DAPK2: variants seen among roughly 807,000 people sequenced by gnomAD.
The protein encoded by DAPK2 is death associated protein kinase 2.
A neutral mutation model predicts 44.1 loss-of-function variants in DAPK2; 35 were observed. The observed-to-expected ratio is 0.79, with a 90% CI of 0.61 to 1.05. The LOEUF (loss-of-function observed/expected upper bound fraction) is 1.05, where lower values mean the gene tolerates loss of function less well. Ranked by LOEUF, DAPK2 falls within the 50% of genes least tolerant of loss-of-function variation. The pLI is 0.00. For missense variants in DAPK2, 453 were observed against 483.2 expected, an observed-to-expected ratio of 0.94 and a Z score of 0.59; for synonymous variants, 174 against 182.6, an observed-to-expected ratio of 0.95 and a Z score of 0.38.
chr15:63,971,366 A>G, intron 3 of DAPK2, 57 bp downstream of exon 4: 2 of 1,596,906 alleles, frequency 1.3e-6, no homozygotes, highest in Non-Finnish European at 1.7e-6. Flanking sequence ...AGACACCAGG[A>G]GGGACTAAGC....
chr15:63,970,441 C>T (rs1215977832), intron 3 of DAPK2, among the ~76,000 whole-genome samples: 1 of 152,174 alleles, frequency 6.6e-6, no homozygotes, highest in Non-Finnish European at 1.5e-5. Flanking sequence ...AGGGAGCCCT[C>T]TCTGATATCC....
intron 1 of DAPK2, among the ~76,000 whole-genome samples, chr15:64,021,109 A>T (rs1265960246): frequency 1.3e-5 from 2 of 152,218 alleles, no homozygotes; most frequent in African/African-American, 4.8e-5. Flanking sequence ...ATTTCCCTTC[A>T]TCTTTCCCCT....
chr15:63,957,363 T>A (rs1424127953), intron 3 of DAPK2, among the ~76,000 whole-genome samples: 1 of 152,062 alleles, frequency 6.6e-6, no homozygotes, highest in Non-Finnish European at 1.5e-5. Context: ...GTTTTTTCTT[T>A]ATTATTATTA....
rs1268817893 is a variant in DAPK2, at chr15:63,917,916, T to C, written c.859-5719A>G. 1 of 152,246 alleles carries C rather than the reference T, an allele frequency of 6.6e-6. No homozygotes were observed. The highest frequency in any genetic ancestry group is 2.4e-5 in the African/African-American group (1 of 41,452). 9.4% of individuals were successfully genotyped at this position (152,246 alleles called of 1,614,324 possible). The stretch of plus-strand genomic sequence containing the variant: ...ATCACTCACCATAGCTTTTCCAATC[T>C]AGTTGGCTGGGTCCCCATCTGCCCC... On this transcript the variant is annotated intron_variant, in intron 8 of 10. Coordinates refer to ENST00000261891, the Ensembl canonical transcript of DAPK2. This position sits in a 1 kb window ranked among gnomAD's most constrained non-coding sequence, Gnocchi z 4.4.
chr15:63,968,134 A>T (rs2078107355), intron 3 of DAPK2, among the ~76,000 whole-genome samples: 1 of 152,184 alleles, frequency 6.6e-6, no homozygotes, highest in Non-Finnish European at 1.5e-5. Flanking sequence ...TAATTGCATG[A>T]TCCCCTCCAG....
intron 1 of DAPK2, among the ~76,000 whole-genome samples, chr15:64,025,097 T>A (rs2079801482): frequency 6.6e-6 from 1 of 151,330 alleles, no homozygotes; most frequent in African/African-American, 2.4e-5. Flanking sequence ...CTGGAGGGGA[T>A]CCCAGGGTCA....
At chr15:64,026,992 C>T (rs1480765605) in intron 1 of DAPK2, among the ~76,000 whole-genome samples, 1 of 152,150 alleles carries the variant, frequency 6.6e-6, no homozygotes, top group Non-Finnish European at 1.5e-5. Flanking sequence ...GCCTGTAATC[C>T]CAGCACTTTG....
intron 3 of DAPK2, among the ~76,000 whole-genome samples, chr15:63,947,632 A>G (rs543955928): frequency 1.3e-5 from 2 of 152,358 alleles, no homozygotes; most frequent in East Asian, 3.9e-4. Context: ...AGGAATAACA[A>G]TCATAAAACC....
intron 8 of DAPK2, chr15:63,922,895 G>A (rs747341204): frequency 6.5e-7 from 1 of 1,535,918 alleles, no homozygotes; most frequent in South Asian, 1.2e-5. Flanking sequence ...CTGCAGGTCT[G>A]CGGAGAGCTC....
chr15:64,041,140 G>A (rs1409724388), upstream of DAPK2, among the ~76,000 whole-genome samples: 5 of 152,162 alleles, frequency 3.3e-5, no homozygotes, highest in African/African-American at 4.8e-5. Context: ...ACCCAACTGC[G>A]TGTCTGAACT....
intron 8 of DAPK2, chr15:63,922,772 G>A: frequency 6.5e-7 from 1 of 1,533,598 alleles, no homozygotes; most frequent in Non-Finnish European, 8.7e-7. Context: ...CTCAGTGCAT[G>A]ATCTGCTGAG....
intron 1 of DAPK2, among the ~76,000 whole-genome samples, chr15:64,019,325 T>A (rs1363713039): frequency 1.3e-5 from 2 of 152,242 alleles, no homozygotes; most frequent in African/African-American, 4.8e-5. Context: ...TCCCACCACA[T>A]CTGCTTTTAT....
chr15:63,914,367 A>T (rs1287277847), intron 8 of DAPK2, among the ~76,000 whole-genome samples: 1 of 152,108 alleles, frequency 6.6e-6, no homozygotes, highest in Non-Finnish European at 1.5e-5. Context: ...GAAAGAGAGG[A>T]GGGGAAGGAG....
chr15:64,046,332 GC>G (rs2080464113), upstream of DAPK2: 7 of 209,038 alleles, frequency 3.3e-5, no homozygotes, highest in Non-Finnish European at 3.9e-5. The surrounding 1 kb of genome is among the most constrained non-coding windows in gnomAD (Gnocchi z 5.3). Context: ...CGCGGCCGCG[GC>G]AGGCGCGGCG....
At position 63,990,762 on chromosome 15, in the gene DAPK2, C is replaced by A. The variant is rs576795890; in HGVS notation, c.93-7008G>T. ...GGAATTACCCTGCGAGGTTTCAGGGCCATAGGGCAGGGATAATGCTTAGGA... is the reference window on the plus strand; with the variant it reads ...GGAATTACCCTGCGAGGTTTCAGGGACATAGGGCAGGGATAATGCTTAGGA... On this transcript the variant is annotated intron_variant, in intron 1 of 10. Coordinates refer to ENST00000261891, the Ensembl canonical transcript of DAPK2. The surrounding 1 kb of genome is among the most constrained non-coding windows in gnomAD (Gnocchi z 4.3). 2.0e-3 allele frequency among the ~76,000 whole-genome samples: 312 copies of A among 152,316 alleles called. 1 individual carries two copies. Among genetic ancestry groups the A allele is most frequent in the Middle Eastern group, 3.4e-3 (1 of 294 alleles).
chr15:64,032,552 G>C (rs1288905338), intron 1 of DAPK2, among the ~76,000 whole-genome samples: 1 of 152,178 alleles, frequency 6.6e-6, no homozygotes, highest in Non-Finnish European at 1.5e-5. Flanking sequence ...CTTAGCACTT[G>C]GGGGAATGTG....
At chr15:63,986,076 C>T (rs1313933253) in intron 1 of DAPK2, among the ~76,000 whole-genome samples, 1 of 152,202 alleles carries the variant, frequency 6.6e-6, no homozygotes, top group African/African-American at 2.4e-5. Flanking sequence ...CTCTGCTCAA[C>T]CTGTAGAGGG....
intron 1 of DAPK2, among the ~76,000 whole-genome samples, chr15:64,023,377 A>G (rs1295160080): frequency 6.6e-6 from 1 of 152,256 alleles, no homozygotes; most frequent in African/African-American, 2.4e-5. Context: ...CCTAGAAGCC[A>G]TAAAGGAATT....
In DAPK2 at chr15:64,020,210, T is replaced by C. The variant is rs1201455308; in HGVS notation, c.92+19960A>G. Among the ~76,000 whole-genome samples, 1 of 152,272 alleles carries C rather than the reference T, an allele frequency of 6.6e-6. No individual in the cohort carries two copies. Among genetic ancestry groups the C allele is most frequent in the East Asian group, 1.9e-4 (1 of 5,186 alleles). On this transcript the variant is annotated intron_variant, in intron 1 of 10. Coordinates refer to ENST00000261891, the Ensembl canonical transcript of DAPK2. The surrounding 1 kb of genome is among the most constrained non-coding windows in gnomAD (Gnocchi z 4.5). ...ATGCTAGAGATGGGGGAAAGGAAAC[T>C]GAGGACTTGCCTAAGCACAGGCAGC...
Sources: gnomAD v4.1 joint callset for allele counts (sites outside exome capture counted in the v4.1 genomes callset) on GRCh38, gnomAD v4.1.1 for gene constraint, Gnocchi (gnomAD v3.1) non-coding constraint, MANE v1.5 for transcripts, NCBI Gene and HGNC (gene_info 2026-07-23, HGNC 2026-07-21) for gene names.